Variants in CCDC73 observed in about 807,000 individuals in gnomAD.
The protein encoded by CCDC73 is coiled-coil domain containing 73.
CCDC73 carries 95 observed loss-of-function variants against 116.5 expected under a neutral mutation model. That is an observed-to-expected ratio of 0.82 (90% CI 0.69 to 0.97). The LOEUF (loss-of-function observed/expected upper bound fraction) is 0.97. Among genes scored for constraint, CCDC73 ranks in the 50% least tolerant of loss-of-function variants. The probability of loss-of-function intolerance (pLI) is 0.00; values close to 1 mark genes in which losing one functional copy is unlikely to be tolerated. For missense variants in CCDC73, 1,066 were observed against 1,206.8 expected (o/e 0.88, Z 1.73); for synonymous variants, 398 against 401.3 (o/e 0.99, Z 0.10).
chr11:32,627,840 G>A (rs1187377709), intron 14 of CCDC73, among the ~76,000 whole-genome samples: 2 of 152,120 alleles, frequency 1.3e-5, no homozygotes, highest in Admixed American at 6.5e-5. Flanking sequence ...GGAGCGGGGA[G>A]GGATAGCATT....
intron 1 of CCDC73, among the ~76,000 whole-genome samples, chr11:32,779,596 AGG>A (rs1590644238): frequency 1.3e-5 from 2 of 152,084 alleles, no homozygotes; most frequent in African/African-American, 4.8e-5. Context: ...CACCAAGAAA[AGG>A]AGAGTTTGTG....
rs886634518 is a variant in CCDC73, at chr11:32,759,125, C to T, written c.135+984G>A. Among the ~76,000 whole-genome samples, 5 of 151,950 alleles carry T rather than the reference C, an allele frequency of 3.3e-5. No individual in the cohort carries two copies. The East Asian group carries it at 5.8e-4, about 18-fold the overall frequency. Reference sequence around the variant, plus strand: ...CTTTCTGCCTCTTCTGTTCTATCTTCATGGTCATATATATGTCCTAGTGAA... The same window carrying T: ...CTTTCTGCCTCTTCTGTTCTATCTTTATGGTCATATATATGTCCTAGTGAA... On this transcript the variant is annotated intron_variant, in intron 2 of 17. Transcript: ENST00000335185.
At chr11:32,775,402 A>G (rs1850525805) in intron 1 of CCDC73, among the ~76,000 whole-genome samples, 1 of 152,176 alleles carries the variant, frequency 6.6e-6, no homozygotes, top group East Asian at 1.9e-4. Context: ...CACCACACCT[A>G]ATCACTCTTT....
At chr11:32,796,872 T>C (rs1850731363), upstream of CCDC73, among the ~76,000 whole-genome samples, 1 of 151,924 alleles carries the variant, frequency 6.6e-6, no homozygotes, top group African/African-American at 2.4e-5. Context: ...GAGCCGGGCA[T>C]GGTGGCAGGT....
At chr11:32,657,722 T>C (rs538891828) in intron 9 of CCDC73, among the ~76,000 whole-genome samples, 2 of 152,292 alleles carry the variant, frequency 1.3e-5, no homozygotes, top group South Asian at 4.1e-4. Context: ...AATACCTCTA[T>C]ATCTTTACCA....
intron 2 of CCDC73, among the ~76,000 whole-genome samples, chr11:32,741,668 A>G (rs1850188122): frequency 6.6e-6 from 1 of 151,044 alleles, no homozygotes; most frequent in Non-Finnish European, 1.5e-5. Flanking sequence ...ATTTATATAT[A>G]TTTATATATA....
chr11:32,755,807 ATATATCTCCATATATATGTGTGTG>A (rs1818849847), intron 2 of CCDC73, among the ~76,000 whole-genome samples: 1 of 133,308 alleles, frequency 7.5e-6, no homozygotes, highest in Non-Finnish European at 1.5e-5. Context: ...ATGTGTATAT[ATATATCTCCATATATATGTGTGTG>A]TATATATCTC....
upstream of CCDC73, among the ~76,000 whole-genome samples, chr11:32,797,705 A>G (rs1850736243): frequency 6.6e-6 from 1 of 152,178 alleles, no homozygotes; most frequent in Non-Finnish European, 1.5e-5. Flanking sequence ...TTAAATCCCC[A>G]ATGGCTAGCA....
intron 1 of CCDC73, among the ~76,000 whole-genome samples, chr11:32,776,797 A>G (rs956240968): frequency 6.6e-5 from 10 of 151,416 alleles, no homozygotes; most frequent in African/African-American, 2.2e-4. Flanking sequence ...CCAACTCCAC[A>G]GCATATATAT....
intron 12 of CCDC73, among the ~76,000 whole-genome samples, chr11:32,651,090 C>T (rs10835955): frequency 0.013 from 2,020 of 152,192 alleles, 51 homozygotes; most frequent in African/African-American, 0.046. Context: ...GAGCCACCAG[C>T]TACCAGGTTC....
At chr11:32,683,493 T>C (rs1427976518) in intron 7 of CCDC73, 43 bp downstream of exon 7, 2 of 1,261,814 alleles carry the variant, frequency 1.6e-6, no homozygotes, top group South Asian at 2.4e-5. Flanking sequence ...TCCCCCTAAG[T>C]ACTAATCCAG....
intron 9 of CCDC73, among the ~76,000 whole-genome samples, chr11:32,663,893 C>T (rs1855954568): frequency 6.6e-6 from 1 of 152,084 alleles, no homozygotes; most frequent in South Asian, 2.1e-4. Flanking sequence ...GCATGAAGGG[C>T]TGTTGAATTT....
intron 1 of CCDC73, among the ~76,000 whole-genome samples, chr11:32,771,472 A>G (rs1850492054): frequency 6.6e-6 from 1 of 152,174 alleles, no homozygotes; most frequent in African/African-American, 2.4e-5. Context: ...AGTGACTGCT[A>G]AATGCCACTA....
intron 17 of CCDC73, among the ~76,000 whole-genome samples, chr11:32,609,170 A>G (rs913599409): frequency 1.3e-5 from 2 of 152,016 alleles, no homozygotes; most frequent in African/African-American, 2.4e-5. Context: ...AGAAAATGGG[A>G]TTTTCTTTTC....
upstream of CCDC73, among the ~76,000 whole-genome samples, chr11:32,795,911 A>C (rs1196813105): frequency 6.6e-6 from 1 of 152,034 alleles, no homozygotes; most frequent in African/African-American, 2.4e-5. Context: ...GCTGGTCTTG[A>C]ACTCCTGACC....
the CCDC73 span, among the ~76,000 whole-genome samples, chr11:32,827,368 C>T: frequency 6.6e-6 from 1 of 152,128 alleles, no homozygotes; most frequent in Non-Finnish European, 1.5e-5. Flanking sequence ...TTCTCTAGGA[C>T]TCAATGTTAC....
intron 14 of CCDC73, among the ~76,000 whole-genome samples, chr11:32,616,450 C>A (rs1479768300): frequency 6.6e-6 from 1 of 152,082 alleles, no homozygotes; most frequent in African/African-American, 2.4e-5. Flanking sequence ...ATAGACATGG[C>A]AGGCAAATTG....
chr11:32,654,236 C>A (rs1318902786), intron 10 of CCDC73, among the ~76,000 whole-genome samples, 199 bp from the exon 11 acceptor site: 1 of 152,092 alleles, frequency 6.6e-6, no homozygotes, highest in African/African-American at 2.4e-5. Flanking sequence ...TGCAGTGGTG[C>A]GATCTTGGCT....
At position 32,653,160 on chromosome 11, in the gene CCDC73, A is replaced by G; in HGVS notation, c.902T>C (p.Met301Thr). The G allele has an allele frequency of 1.9e-6, 3 of 1,611,798 alleles. No individual in the cohort carries two copies. The highest frequency in any genetic ancestry group is 2.2e-5 in the South Asian group (2 of 90,726). Residue 301 changes from methionine to threonine, a missense_variant, in exon 12 of 18, where the codon ATG (methionine) becomes ACG (threonine). Physicochemically the swap from Met to Thr is moderately conservative, Grantham distance 81 (BLOSUM62 -1). Coordinates refer to ENST00000335185, the MANE Select transcript of CCDC73 (RefSeq NM_001008391.4). ...LRQQIQANTEMEAELKVLKEN... is the reference protein window; with the variant it reads ...LRQQIQANTETEAELKVLKEN... The stretch of plus-strand genomic sequence containing the variant: ...TTTTAGCACCTTCAATTCTGCCTCC[A>G]TTTCAGTATTAGCTTGAATTTGTTG...
Sources: allele counts gnomAD v4.1 joint callset (sites outside exome capture counted in the v4.1 genomes callset), GRCh38; gene constraint gnomAD v4.1.1; transcripts MANE v1.5; gene names NCBI Gene and HGNC (gene_info 2026-07-23, HGNC 2026-07-21).